KPNA7: variants seen among roughly 807,000 people sequenced by gnomAD.
The protein encoded by KPNA7 is karyopherin subunit alpha 7, also known as importin subunit alpha-8.
Under a neutral mutation model 53.7 loss-of-function variants are expected in KPNA7, and 54 were observed. The observed-to-expected ratio is 1.01, with a 90% CI of 0.81 to 1.26. The LOEUF (loss-of-function observed/expected upper bound fraction) is 1.26, where lower values mean the gene tolerates loss of function less well. KPNA7 is among the 50% of genes most tolerant of loss of function. The probability of loss-of-function intolerance (pLI) is 0.00; values close to 1 mark genes in which losing one functional copy is unlikely to be tolerated. For missense variants in KPNA7, 640 were observed against 644.5 expected (o/e 0.99, Z 0.07); for synonymous variants, 276 against 259.3 (o/e 1.06, Z -0.62).
downstream of KPNA7, among the ~76,000 whole-genome samples, chr7:99,171,566 CAAAGCCAAATTAATTAAAATTTTA>C (rs563712467): frequency 2.7e-4 from 41 of 152,260 alleles, no homozygotes; most frequent in East Asian, 5.8e-4. Context: ...CTTGGCTTCC[CAAAGCCAAATTAATTAAAATTTTA>C]AAAGCCAAAT....
chr7:99,185,272 T>C, intron 7 of KPNA7, 110 bp from the exon 8 acceptor site: 1 of 730,550 alleles, frequency 1.4e-6, no homozygotes, highest in Non-Finnish European at 2.3e-6. Flanking sequence ...TAGCCGATGG[T>C]TGTCTGACAG....
upstream of KPNA7, among the ~76,000 whole-genome samples, chr7:99,212,233 CTTTTTTTTTTTTTT>C (rs34555248): frequency 6.4e-5 from 3 of 47,158 alleles, no homozygotes; most frequent in Non-Finnish European, 1.1e-4. Context: ...CACATGTGTC[CTTTTTTTTTTTTTT>C]TTTTTTTTTT....
intron 9 of KPNA7, among the ~76,000 whole-genome samples, chr7:99,180,333 C>G (rs1355269662): frequency 3.3e-5 from 5 of 152,108 alleles, no homozygotes. Flanking sequence ...AAGACCCTGT[C>G]TCTACTAAAA....
chr7:99,175,367 G>A (rs1214576056), intron 10 of KPNA7, among the ~76,000 whole-genome samples: 1 of 151,810 alleles, frequency 6.6e-6, no homozygotes, highest in Non-Finnish European at 1.5e-5. Flanking sequence ...TTGTAGATAT[G>A]GGCTCTCACT....
chr7:99,178,096 C>T (rs1350345255), intron 9 of KPNA7, 30 bp from the exon 10 acceptor site: 2 of 1,546,740 alleles, frequency 1.3e-6, no homozygotes, highest in Non-Finnish European at 1.7e-6. Flanking sequence ...GACATGAGAC[C>T]CCCGGCAGGA....
intron 8 of KPNA7, among the ~76,000 whole-genome samples, chr7:99,183,073 T>C (rs969626057): frequency 6.6e-6 from 1 of 152,016 alleles, no homozygotes; most frequent in Non-Finnish European, 1.5e-5. Flanking sequence ...CTGGGCAACA[T>C]GGTGAAACCC....
downstream of KPNA7, among the ~76,000 whole-genome samples, chr7:99,169,132 G>C (rs1012493076): frequency 6.6e-6 from 1 of 152,108 alleles, no homozygotes; most frequent in African/African-American, 2.4e-5. Context: ...CTCCAGCCTG[G>C]CGACAGAGAG....
At chr7:99,199,005 G>T (rs1359506268) in intron 3 of KPNA7, among the ~76,000 whole-genome samples, 1 of 67,172 alleles carries the variant, frequency 1.5e-5, no homozygotes, top group African/African-American at 5.8e-5. Flanking sequence ...AACATAAAAA[G>T]AATAAAATGC....
At chr7:99,168,357 T>C in the KPNA7 span, among the ~76,000 whole-genome samples, 1 of 152,198 alleles carries the variant, frequency 6.6e-6, no homozygotes, top group African/African-American at 2.4e-5. Context: ...GCCAGCACTC[T>C]GAGGGATGTG....
At chr7:99,209,100 T>G (rs1387305730), upstream of KPNA7, among the ~76,000 whole-genome samples, 1 of 151,802 alleles carries the variant, frequency 6.6e-6, no homozygotes, top group East Asian at 2.0e-4. Flanking sequence ...TGCAGTGAGC[T>G]GAGATTGCGC....
the KPNA7 span, among the ~76,000 whole-genome samples, chr7:99,163,383 A>ATATATATATATATATAT: frequency 4.9e-5 from 2 of 40,802 alleles, no homozygotes; most frequent in Admixed American, 4.9e-4. Flanking sequence ...ATATATATAT[A>ATATATATATATATATAT]TTTTTTTTTT....
In KPNA7 at chr7:99,203,106, C is replaced by T. The variant is rs756748750; in HGVS notation, c.201G>A (p.Ala67=). The part of the protein sequence containing the change: ...TPSEKTAKGV[A]VSLTLGEIIK... ...ACTACTCTAAACACTACATACTGAC[C>T]GCCACCCCTTTGGCTGTTTTTTCAG... is the stretch of plus-strand genomic sequence containing the variant. Residue 67 remains alanine, a splice_region_variant and synonymous_variant, in exon 3 of 11, where the codon GCG becomes GCA. Coordinates refer to ENST00000327442, the MANE Select transcript of KPNA7 (RefSeq NM_001145715.3). The T allele has an allele frequency of 5.7e-5, 89 of 1,551,462 alleles. No individual in the cohort carries two copies. The highest frequency in any genetic ancestry group is 6.8e-5 in the African/African-American group (5 of 73,024).
chr7:99,216,648 A>G (rs1343720374), intron 1 of KPNA7, among the ~76,000 whole-genome samples: 1 of 151,884 alleles, frequency 6.6e-6, no homozygotes, highest in African/African-American at 2.4e-5. Context: ...TGCAACCTCC[A>G]CCTTCCAGAT....
downstream of KPNA7, among the ~76,000 whole-genome samples, chr7:99,170,548 C>T (rs1191055617): frequency 2.6e-5 from 4 of 151,932 alleles, no homozygotes; most frequent in Non-Finnish European, 5.9e-5. Context: ...TGCTATGTTG[C>T]CCAGGCTGGT....
At chr7:99,173,081 A>AAAAG (rs1563061798), downstream of KPNA7, among the ~76,000 whole-genome samples, 2 of 148,378 alleles carry the variant, frequency 1.3e-5, no homozygotes, top group East Asian at 2.0e-4. Flanking sequence ...AAAAAAAAAA[A>AAAAG]AAAGAAAAAG....
chr7:99,157,903 T>A, the KPNA7 span, among the ~76,000 whole-genome samples: 1 of 150,966 alleles, frequency 6.6e-6, no homozygotes, highest in African/African-American at 2.4e-5. Context: ...GCCTCCTGAG[T>A]AGCTGAGACT....
the KPNA7 span, among the ~76,000 whole-genome samples, chr7:99,150,194 C>T: frequency 2.6e-5 from 4 of 151,958 alleles, no homozygotes; most frequent in East Asian, 7.7e-4. Flanking sequence ...CTCCTCAGCT[C>T]AAGCAATCCT....
Position 99,181,035 on chromosome 7 carries a change from GTGTC to G in KPNA7, c.1317+844_1317+847del, listed in dbSNP as rs1217187461. ...TCTCTGTGTGTGTGTCTCTCTGTGT[GTGTC>G]TCTCTCTCTCTCTCCGTCTGTGTCT... On this transcript the variant is annotated intron_variant, in intron 9 of 10. Coordinates refer to ENST00000327442, the MANE Select transcript of KPNA7 (RefSeq NM_001145715.3). 3.6e-5 allele frequency among the ~76,000 whole-genome samples: 2 copies of G among 55,166 alleles called. 1 individual carries two copies. Among genetic ancestry groups the G allele is most frequent in the Admixed American group, 3.6e-4 (2 of 5,546 alleles). 36.2% of individuals were successfully genotyped at this position (55,166 alleles called of 152,430 possible).
At chr7:99,192,011 C>T (rs951089163) in intron 6 of KPNA7, among the ~76,000 whole-genome samples, 1 of 152,078 alleles carries the variant, frequency 6.6e-6, no homozygotes, top group Non-Finnish European at 1.5e-5. Flanking sequence ...ATCGAGAACC[C>T]AGTTCCTAAA....
Sources: gnomAD v4.1 joint callset for allele counts (sites outside exome capture counted in the v4.1 genomes callset) on GRCh38, gnomAD v4.1.1 for gene constraint, MANE v1.5 for transcripts, NCBI Gene and HGNC (gene_info 2026-07-23, HGNC 2026-07-21) for gene names.